Variants in ACACB observed in about 807,000 individuals in gnomAD.
ACACB encodes acetyl-CoA carboxylase 2.
Under a neutral mutation model 278.8 loss-of-function variants are expected in ACACB, and 209 were observed. The ratio of observed to expected loss-of-function variants is 0.75; its 90% CI spans 0.67 to 0.84. The LOEUF is 0.84. Ranked by LOEUF, ACACB falls within the 40% of genes least tolerant of loss-of-function variation. The pLI is 0.00. For missense variants in ACACB, 2,850 were observed against 3,269.0 expected (o/e 0.87, Z 3.13); for synonymous variants, 1,174 against 1,285.6 (o/e 0.91, Z 1.86).
chr12:109,199,049 A>C (rs1250722527), intron 17 of ACACB, among the ~76,000 whole-genome samples: 1 of 151,728 alleles, frequency 6.6e-6, no homozygotes, highest in Non-Finnish European at 1.5e-5. Flanking sequence ...AATTAGCTGG[A>C]TGTGGTGGTG....
At chr12:109,166,589 G>A (rs574014136) in intron 2 of ACACB, among the ~76,000 whole-genome samples, 7 of 141,038 alleles carry the variant, frequency 5.0e-5, no homozygotes, top group African/African-American at 1.8e-4. Context: ...GGTCGAGGCT[G>A]CAGCGAGCCA....
chr12:109,259,563 C>CA (rs567756898), intron 47 of ACACB, among the ~76,000 whole-genome samples: 13,268 of 118,700 alleles, frequency 0.11, 678 homozygotes, highest in Middle Eastern at 0.18. Flanking sequence ...ACCCCCATCT[C>CA]AAAAAAAAAA....
intron 29 of ACACB, 104 bp from the exon 30 acceptor site, chr12:109,233,644 G>A: frequency 1.1e-6 from 1 of 937,292 alleles, no homozygotes; most frequent in Non-Finnish European, 1.7e-6. Flanking sequence ...TGTTGGCTGG[G>A]AAATTGGGAG....
In ACACB at chr12:109,223,898, C is replaced by T; in HGVS notation, c.3876C>T (p.Ser1292=). ...CAAACAAAGTCGTGTGCATGGCGTCCTTGGAGGTAAGCAGGAGAGGCCCAG... is the reference window on the plus strand; with the variant it reads ...CAAACAAAGTCGTGTGCATGGCGTCTTTGGAGGTAAGCAGGAGAGGCCCAG... ...YHANKVVCMA[S]LEVYVRRGYI... The change falls in exon 27 of 53, where the codon TCC becomes TCT. Residue 1292 remains serine, a synonymous_variant. Coordinates refer to ENST00000338432, the MANE Select transcript of ACACB (RefSeq NM_001093.4). 1 of 1,613,954 alleles carries T rather than the reference C, an allele frequency of 6.2e-7. No homozygotes were observed. Among genetic ancestry groups the T allele is most frequent in the Non-Finnish European group, 8.5e-7 (1 of 1,179,832 alleles).
chr12:109,113,551 T>A (rs1290337147), upstream of ACACB: 1 of 152,266 alleles, frequency 6.6e-6, no homozygotes, highest in Non-Finnish European at 1.5e-5. Context: ...TTGATCTACA[T>A]CCAGCAGGGG....
Position 109,209,154 on chromosome 12 carries a change from C to A in ACACB, c.3061-11C>A, listed in dbSNP as rs536628444. ...CAGGGCTGGGGGCTGATGCTGTGGTCCCCGCTTCAGCTGAAGGAGTGGGTG... is the reference window on the plus strand; with the variant it reads ...CAGGGCTGGGGGCTGATGCTGTGGTACCCGCTTCAGCTGAAGGAGTGGGTG... On this transcript the variant is annotated splice_polypyrimidine_tract_variant and intron_variant, in intron 20 of 52. Coordinates refer to ENST00000338432, the MANE Select transcript of ACACB (RefSeq NM_001093.4). The A allele has an allele frequency of 2.5e-6, 4 of 1,583,788 alleles. No homozygotes were observed. In the East Asian group the frequency reaches 6.9e-5, roughly 27 times the overall value.
intron 2 of ACACB, among the ~76,000 whole-genome samples, chr12:109,140,284 T>A (rs142222871): frequency 0.2 from 16,327 of 81,940 alleles, 1,753 homozygotes; most frequent in East Asian, 0.45. Flanking sequence ...CCTTCCTTCC[T>A]TCCTTCCTTC....
intron 1 of ACACB, among the ~76,000 whole-genome samples, chr12:109,119,356 T>C (rs994140470): frequency 3.3e-5 from 5 of 151,984 alleles, no homozygotes; most frequent in Admixed American, 2.0e-4. Context: ...TTTGGGAGGC[T>C]GAGGAGCTAG....
chr12:109,237,889 G>A (rs1054041505), intron 34 of ACACB, among the ~76,000 whole-genome samples: 2 of 151,770 alleles, frequency 1.3e-5, no homozygotes, highest in African/African-American at 4.8e-5. Context: ...GCGTACACCT[G>A]TAATTCCAGC....
At chr12:109,167,142 T>C (rs1357381970) in intron 3 of ACACB, 149 bp downstream of exon 3, 1 of 947,864 alleles carries the variant, frequency 1.1e-6, no homozygotes, top group African/African-American at 1.6e-5. Flanking sequence ...TTTAATAGTT[T>C]AACCCTCAAA....
chr12:109,241,025 A>G (rs2046780839), intron 35 of ACACB, 53 bp from the exon 36 acceptor site: 1 of 1,581,310 alleles, frequency 6.3e-7, no homozygotes, highest in South Asian at 1.1e-5. Context: ...GCTATTGCAA[A>G]TGTCCTTGGG....
At position 109,163,777 on chromosome 12, in the gene ACACB, G is replaced by A. The variant is rs966327987; in HGVS notation, c.654-3084G>A. ...TGATTCTCCTGCTTCAGCCTCTCAA[G>A]TAGCTGGGATTACAGATGCACACCA... On this transcript the variant is annotated intron_variant, in intron 2 of 52. Transcript: ENST00000338432. Among the ~76,000 whole-genome samples the A allele has an allele frequency of 5.9e-5, 9 of 152,250 alleles. No homozygotes were observed. In the East Asian group the frequency reaches 1.7e-3, roughly 30 times the overall value.
intron 37 of ACACB, among the ~76,000 whole-genome samples, chr12:109,243,491 C>T (rs920985995): frequency 2.6e-5 from 4 of 151,662 alleles, no homozygotes; most frequent in Non-Finnish European, 2.9e-5. Flanking sequence ...CCCAGCTACT[C>T]GGGAGGCTGA....
chr12:109,242,647 C>A (rs1593682067), intron 37 of ACACB, 55 bp downstream of exon 37: 1 of 1,585,562 alleles, frequency 6.3e-7, no homozygotes, highest in Non-Finnish European at 8.6e-7. Flanking sequence ...CAGACTCCAC[C>A]AGAACCAAAG....
intron 31 of ACACB, 114 bp from the exon 32 acceptor site, chr12:109,235,199 C>T: frequency 1.2e-6 from 1 of 867,658 alleles, no homozygotes; most frequent in Non-Finnish European, 1.9e-6. Context: ...TTATGATTGA[C>T]ATCTTCCACT....
At chr12:109,144,154 C>T (rs986609481) in intron 2 of ACACB, among the ~76,000 whole-genome samples, 1 of 151,932 alleles carries the variant, frequency 6.6e-6, no homozygotes, top group East Asian at 1.9e-4. Context: ...CTCTATTAAA[C>T]TACAAAAAAT....
At chr12:109,250,930 G>C (rs2047077746) in intron 41 of ACACB, among the ~76,000 whole-genome samples, 1 of 152,170 alleles carries the variant, frequency 6.6e-6, no homozygotes, top group South Asian at 2.1e-4. Flanking sequence ...ATGATTCCAG[G>C]GTTTGTGTTT....
At chr12:109,255,644 C>T (rs1175220307) in intron 44 of ACACB, among the ~76,000 whole-genome samples, 1 of 152,202 alleles carries the variant, frequency 6.6e-6, no homozygotes, top group Non-Finnish European at 1.5e-5. Context: ...CATTTCTTCC[C>T]CACCAATGGC....
chr12:109,256,265 C>G (rs1437643598), intron 45 of ACACB, 29 bp downstream of exon 45: 1 of 1,593,510 alleles, frequency 6.3e-7, no homozygotes, highest in Non-Finnish European at 8.6e-7. Flanking sequence ...GCAGGCTGCC[C>G]ATGTCTGACT....
Sources: gnomAD v4.1 joint callset for allele counts (sites outside exome capture counted in the v4.1 genomes callset) on GRCh38, gnomAD v4.1.1 for gene constraint, MANE v1.5 for transcripts, NCBI Gene and HGNC (gene_info 2026-07-23, HGNC 2026-07-21) for gene names.